Variants in USP12 observed in about 807,000 individuals in gnomAD.
USP12 encodes ubiquitin carboxyl-terminal hydrolase 12.
A neutral mutation model predicts 45.5 loss-of-function variants in USP12; 19 were observed. The ratio of observed to expected loss-of-function variants is 0.42; its 90% CI spans 0.29 to 0.61. The LOEUF (loss-of-function observed/expected upper bound fraction) is 0.61, where lower values mean the gene tolerates loss of function less well. USP12 is among the 20% of genes least tolerant of loss of function. The pLI is 0.22. For missense variants in USP12, 242 were observed against 447.7 expected (o/e 0.54, Z 4.15); for synonymous variants, 149 against 148.8 (o/e 1.00, Z -0.01).
In USP12 at chr13:27,095,634, T is replaced by C. The variant is rs1874540166; in HGVS notation, c.540A>G (p.Leu180=). ...AAGTAAGACATCTGGTTTCATTAGT[T>C]AATGTTCCCTGAAAAATCTCATGAA... ...TWVHEIFQGT[L]TNETRCLTCE... is the part of the protein sequence containing the mutation. The change falls in exon 4 of 9, where the codon TTA becomes TTG. Residue 180 remains leucine (L), a synonymous_variant. Coordinates refer to ENST00000282344, the MANE Select transcript of USP12 (RefSeq NM_182488.4). The C allele has an allele frequency of 6.2e-7, 1 of 1,610,716 alleles. No homozygotes were observed. The highest frequency in any genetic ancestry group is 8.5e-7 in the Non-Finnish European group (1 of 1,178,822).
rs931811600 is a variant in USP12 at position 27,068,202 on chromosome 13, A to T, written c.*1081T>A. ...CTATGACATGATTTTCCCAAGCATG[A>T]TCTCAACTTGAAACATTAGAATACT... On this transcript the variant is annotated 3_prime_UTR_variant, in exon 9 of 9. Transcript: ENST00000282344. The T allele has an allele frequency of 6.6e-6, 1 of 152,602 alleles. No individual in the cohort carries two copies. Among genetic ancestry groups the T allele is most frequent in the African/African-American group, 2.4e-5 (1 of 41,442 alleles). The allele number at this position is 152,602 out of a possible 1,614,324, so 9.5% of individuals were successfully genotyped here. A position where few individuals can be genotyped will look rare whatever the true frequency, so the allele number is the denominator to read the frequency against.
chr13:27,109,168 T>C (rs2137790185), intron 2 of USP12, among the ~76,000 whole-genome samples: 1 of 152,252 alleles, frequency 6.6e-6, no homozygotes, highest in East Asian at 1.9e-4. Context: ...TCAGAAGAAA[T>C]GGTTGTAAAT....
chr13:27,170,505 T>C (rs1320186195), intron 1 of USP12, among the ~76,000 whole-genome samples: 1 of 152,228 alleles, frequency 6.6e-6, no homozygotes, highest in African/African-American at 2.4e-5. Context: ...CGGTGATGAC[T>C]CATAAATTAT....
rs368871289 is a variant in USP12, at chr13:27,171,582, C to T, written c.48+10G>A. The T allele has an allele frequency of 2.3e-5, 29 of 1,258,560 alleles. No homozygotes were observed. The highest frequency in any genetic ancestry group is 7.2e-5 in the Admixed American group (3 of 41,496). 78.0% of individuals were successfully genotyped at this position (1,258,560 alleles called of 1,614,324 possible). Reference sequence around the variant, plus strand: ...CCGGCAGCCCCGGCCGCCCGCTCGCCGCCACCTACCATGGTACAGATGGAG... The same window carrying T: ...CCGGCAGCCCCGGCCGCCCGCTCGCTGCCACCTACCATGGTACAGATGGAG... On this transcript the variant is annotated intron_variant, in intron 1 of 8. Transcript: ENST00000282344.
intron 3 of USP12, among the ~76,000 whole-genome samples, chr13:27,104,912 A>G (rs1176119849): frequency 2.6e-5 from 4 of 152,264 alleles, no homozygotes; most frequent in African/African-American, 9.6e-5. Context: ...TAAAATGCCT[A>G]CATTAAACAA....
chr13:27,069,949 C>T (rs919394053), intron 8 of USP12, among the ~76,000 whole-genome samples: 1 of 152,070 alleles, frequency 6.6e-6, no homozygotes, highest in African/African-American at 2.4e-5. Context: ...CCCAAAACAA[C>T]AAAAAGGCAA....
chr13:27,087,134 A>T (rs1273201239), intron 6 of USP12, among the ~76,000 whole-genome samples: 3 of 147,854 alleles, frequency 2.0e-5, no homozygotes, highest in South Asian at 4.3e-4. Flanking sequence ...CGTGTGTGAG[A>T]GTGTGTGTGT....
At chr13:27,135,675 A>G (rs1876770153) in intron 1 of USP12, among the ~76,000 whole-genome samples, 2 of 152,182 alleles carry the variant, frequency 1.3e-5, no homozygotes, top group Admixed American at 6.5e-5. Flanking sequence ...AGATTGCGCC[A>G]CTGCACTCCA....
At chr13:27,163,780 A>AAAAAAAG (rs1566009269) in intron 1 of USP12, among the ~76,000 whole-genome samples, 1 of 138,588 alleles carries the variant, frequency 7.2e-6, no homozygotes, top group Admixed American at 7.7e-5. Flanking sequence ...AAAAAAAAAA[A>AAAAAAAG]AAAAAGAAAA....
chr13:27,119,496 A>C (rs937440219), intron 1 of USP12, among the ~76,000 whole-genome samples: 4 of 152,168 alleles, frequency 2.6e-5, no homozygotes, highest in Non-Finnish European at 5.9e-5. Flanking sequence ...ATCCTCAGTG[A>C]TTTTCAAAAC....
At chr13:27,108,133 C>A (rs1356868337) in intron 2 of USP12, among the ~76,000 whole-genome samples, 1 of 151,804 alleles carries the variant, frequency 6.6e-6, no homozygotes, top group Non-Finnish European at 1.5e-5. Context: ...GGAACCAACC[C>A]AAATGTCCAA....
chr13:27,134,745 TTCAA>T (rs1876717155), intron 1 of USP12, among the ~76,000 whole-genome samples: 1 of 152,020 alleles, frequency 6.6e-6, no homozygotes, highest in African/African-American at 2.4e-5. Flanking sequence ...ATAAGCCATC[TTCAA>T]TCAGTTTTAT....
chr13:27,100,970 T>A (rs1200541680), intron 3 of USP12, among the ~76,000 whole-genome samples: 2 of 152,234 alleles, frequency 1.3e-5, no homozygotes, highest in Non-Finnish European at 2.9e-5. Context: ...AGCATATACA[T>A]GTTTTTCAAA....
At chr13:27,132,900 G>C (rs918648490) in intron 1 of USP12, among the ~76,000 whole-genome samples, 2 of 152,230 alleles carry the variant, frequency 1.3e-5, no homozygotes, top group African/African-American at 2.4e-5. Context: ...CTCTGAAGGG[G>C]ACAGAAAGGA....
At position 27,111,440 on chromosome 13, in the gene USP12, TC is replaced by T. The variant is rs1875441361; in HGVS notation, c.129+5075del. Reference sequence around the variant, plus strand: ...GTGCTGAAATCTATGCTGTGTTATCTCAGCTGGTTTTGAAAATCAAAGGTAG... The same window carrying T: ...GTGCTGAAATCTATGCTGTGTTATCTAGCTGGTTTTGAAAATCAAAGGTAG... On this transcript the variant is annotated intron_variant, in intron 2 of 8. Coordinates refer to ENST00000282344, the MANE Select transcript of USP12 (RefSeq NM_182488.4). Among the ~76,000 whole-genome samples the T allele has an allele frequency of 3.3e-5, 5 of 152,200 alleles. No homozygotes were observed. The South Asian group carries it at 8.3e-4, about 25-fold the overall frequency.
At chr13:27,124,330 A>T (rs1876127993) in intron 1 of USP12, among the ~76,000 whole-genome samples, 1 of 152,228 alleles carries the variant, frequency 6.6e-6, no homozygotes, top group Admixed American at 6.5e-5. Flanking sequence ...GTCTATGAGG[A>T]TATGTCATTT....
intron 1 of USP12, 60 bp from the exon 2 acceptor site, chr13:27,116,656 C>T: frequency 6.5e-7 from 1 of 1,529,244 alleles, no homozygotes; most frequent in East Asian, 2.3e-5. Context: ...CATAATGACA[C>T]TTCAGTCAAT....
chr13:27,153,290 G>A (rs918310980), intron 1 of USP12, among the ~76,000 whole-genome samples: 2 of 152,216 alleles, frequency 1.3e-5, no homozygotes, highest in South Asian at 2.1e-4. Flanking sequence ...CTGGGCAACA[G>A]AGTGAGACTC....
In USP12 at chr13:27,075,173, C is replaced by G. The variant is rs559705244; in HGVS notation, c.932+18G>C. The G allele has an allele frequency of 2.5e-6, 4 of 1,613,460 alleles. No individual in the cohort carries two copies. In the African/African-American group the frequency reaches 5.3e-5, roughly 22 times the overall value. On this transcript the variant is annotated intron_variant, in intron 7 of 8. Transcript: ENST00000282344. ...TAACCTAGGAATTCCACTACTATGTCCCCGGAGTTGCAATTACCTTCCACA... is the reference window on the plus strand; with the variant it reads ...TAACCTAGGAATTCCACTACTATGTGCCCGGAGTTGCAATTACCTTCCACA...
Sources: allele counts gnomAD v4.1 joint callset (sites outside exome capture counted in the v4.1 genomes callset), GRCh38; gene constraint gnomAD v4.1.1; transcripts MANE v1.5; gene names NCBI Gene and HGNC (gene_info 2026-07-23, HGNC 2026-07-21).